Variants in CELF2 observed in about 807,000 individuals in gnomAD.
CELF2 encodes CUGBP Elav-like family member 2, also known as CUG triplet repeat RNA-binding protein 2.
Under a neutral mutation model 62.6 loss-of-function variants are expected in CELF2, and 8 were observed. That is an observed-to-expected ratio of 0.13 (90% CI 0.07 to 0.23). CELF2 has a LOEUF of 0.23. Ranked by LOEUF, CELF2 falls within the 10% of genes least tolerant of loss-of-function variation. CELF2 has a pLI of 1.00. For synonymous variants in CELF2, 258 were observed against 250.0 expected (o/e 1.03, Z -0.30); for missense variants, 333 against 671.0 (o/e 0.50, Z 5.56).
At chr10:11,121,406 G>T (rs897507164) in intron 1 of CELF2, among the ~76,000 whole-genome samples, 1 of 152,116 alleles carries the variant, frequency 6.6e-6, no homozygotes, top group Non-Finnish European at 1.5e-5. Flanking sequence ...CTGTTTTGCA[G>T]TACCCTTTGT....
At chr10:11,115,510 G>A (rs1166508942) in intron 1 of CELF2, among the ~76,000 whole-genome samples, 1 of 152,214 alleles carries the variant, frequency 6.6e-6, no homozygotes, top group Non-Finnish European at 1.5e-5. Context: ...CTGAAGGGCT[G>A]TCAGATATGA....
Position 10,990,818 on chromosome 10 carries a change from G to C in CELF2, c.89+70819G>C, listed in dbSNP as rs2053343213. ...ACTGACATTTTACTAAGTCAACATG[G>C]TTTGGGTATCATTTGGGGTAACCTG... On this transcript the variant is annotated intron_variant, in intron 2 of 13. Transcript: ENST00000636488. The surrounding 1 kb of genome is among the most constrained non-coding windows in gnomAD (Gnocchi z 4.6). Among the ~76,000 whole-genome samples the C allele has an allele frequency of 6.6e-6, 1 of 152,142 alleles. No homozygotes were observed. The highest frequency in any genetic ancestry group is 2.1e-4 in the South Asian group (1 of 4,826).
At chr10:10,746,851 C>G in the CELF2 span, among the ~76,000 whole-genome samples, 1 of 152,190 alleles carries the variant, frequency 6.6e-6, no homozygotes, top group Admixed American at 6.5e-5. Context: ...CAACCTAATA[C>G]CACATCACTG....
At chr10:10,525,174 A>G in the CELF2 span, among the ~76,000 whole-genome samples, 4 of 152,170 alleles carry the variant, frequency 2.6e-5, no homozygotes, top group East Asian at 1.9e-4. Context: ...ATTTTCAAGT[A>G]TATCATACGT....
intron 2 of CELF2, among the ~76,000 whole-genome samples, chr10:11,190,745 T>G (rs1425649793): frequency 7.4e-6 from 1 of 135,420 alleles, no homozygotes; most frequent in East Asian, 2.2e-4. Flanking sequence ...ATTTTGACTC[T>G]CAGTGGCTGG....
intron 1 of CELF2, among the ~76,000 whole-genome samples, chr10:10,914,550 AT>A (rs1377894979): frequency 2.0e-5 from 3 of 152,042 alleles, no homozygotes; most frequent in East Asian, 1.9e-4. Context: ...CTTTTTCGGG[AT>A]TTTTTTCCTT....
the CELF2 span, among the ~76,000 whole-genome samples, chr10:10,728,085 C>A: frequency 6.6e-6 from 1 of 151,174 alleles, no homozygotes; most frequent in African/African-American, 2.4e-5. Flanking sequence ...CTAGAGATGA[C>A]CTTTGAGCTG....
intron 2 of CELF2, among the ~76,000 whole-genome samples, chr10:10,980,483 T>G (rs201097): frequency 2.0e-5 from 3 of 152,190 alleles, no homozygotes; most frequent in Admixed American, 6.5e-5. Flanking sequence ...GCTTTCCACA[T>G]GCTGCTCAGC....
intron 1 of CELF2, among the ~76,000 whole-genome samples, chr10:11,097,050 A>C (rs2050079605): frequency 6.6e-6 from 1 of 152,172 alleles, no homozygotes; most frequent in South Asian, 2.1e-4. Context: ...TGATTCAGAA[A>C]ATGTGGCTGG....
intron 8 of CELF2, among the ~76,000 whole-genome samples, chr10:11,282,044 G>T (rs887352006): frequency 3.9e-5 from 6 of 152,170 alleles, no homozygotes; most frequent in African/African-American, 7.2e-5. Flanking sequence ...GCCACTCCCA[G>T]TGGATATGGG....
chr10:10,530,549 C>A, the CELF2 span, among the ~76,000 whole-genome samples: 1 of 152,122 alleles, frequency 6.6e-6, no homozygotes, highest in Non-Finnish European at 1.5e-5. Context: ...GTAGGCCTCA[C>A]CCAAGATGGA....
rs2062465565 is a variant in CELF2 at position 10,895,342 on chromosome 10, A to C, written c.54-24622A>C. Among the ~76,000 whole-genome samples the C allele has an allele frequency of 2.0e-5, 3 of 152,200 alleles. No homozygotes were observed. In the South Asian group the frequency reaches 6.2e-4, roughly 31 times the overall value. ...AGAAAATGTAGCTTAATTGCATTATAGGGTTTGGTAGAAAGTAGAAATTGT... is the reference window on the plus strand; with the variant it reads ...AGAAAATGTAGCTTAATTGCATTATCGGGTTTGGTAGAAAGTAGAAATTGT... On this transcript the variant is annotated intron_variant, in intron 1 of 13. Coordinates refer to the CELF2 transcript ENST00000636488.
the CELF2 span, among the ~76,000 whole-genome samples, chr10:10,665,295 GA>G: frequency 6.6e-6 from 1 of 152,186 alleles, no homozygotes; most frequent in African/African-American, 2.4e-5. Context: ...TGGAAGTAGT[GA>G]AATTGTCTGC....
chr10:11,070,179 G>A (rs577514962), intron 1 of CELF2, among the ~76,000 whole-genome samples: 3 of 152,198 alleles, frequency 2.0e-5, no homozygotes, highest in African/African-American at 7.2e-5. Context: ...CGTATACAGT[G>A]GGTTTAGCAG....
chr10:11,191,502 T>G lies in CELF2; in HGVS notation c.271+25820T>G, dbSNP rs2076285472. 6.6e-6 allele frequency among the ~76,000 whole-genome samples: 1 copy of G among 152,086 alleles called. No homozygotes were observed. The highest frequency in any genetic ancestry group is 2.4e-5 in the African/African-American group (1 of 41,404). On this transcript the variant is annotated intron_variant, in intron 2 of 12. Coordinates refer to ENST00000633077, the MANE Select transcript of CELF2 (RefSeq NM_001326342.2). The surrounding 1 kb of genome is among the most constrained non-coding windows in gnomAD (Gnocchi z 4.1). ...TGCTGTGGGGCGTCAGCTACCAACC[T>G]TGTGGTCTCGGGAAAGTGACCTATC...
In CELF2 at chr10:11,137,736, C is replaced by G. The variant is rs115613365; in HGVS notation, c.75-27750C>G. ...TCCCTGAAAAGTACGACAAATTCAG[C>G]TCCACAGAGTAACTTACTGTCCTTT... is the stretch of plus-strand genomic sequence containing the variant. On this transcript the variant is annotated intron_variant, in intron 1 of 12. Transcript: ENST00000633077. 4.4e-3 allele frequency among the ~76,000 whole-genome samples: 674 copies of G among 152,348 alleles called. 3 individuals are homozygous for G. The highest frequency in any genetic ancestry group is 0.016 in the African/African-American group (646 of 41,566).
chr10:10,503,517 A>G, the CELF2 span, among the ~76,000 whole-genome samples: 1 of 151,932 alleles, frequency 6.6e-6, no homozygotes, highest in Non-Finnish European at 1.5e-5. Context: ...GAAATCAGAT[A>G]TTAATATAGC....
At chr10:11,035,160 A>G (rs2060751998) in intron 1 of CELF2, among the ~76,000 whole-genome samples, 1 of 152,210 alleles carries the variant, frequency 6.6e-6, no homozygotes, top group African/African-American at 2.4e-5. Flanking sequence ...GGATTAACCC[A>G]AACTTTTCCA....
chr10:10,488,393 G>A, the CELF2 span, among the ~76,000 whole-genome samples: 1 of 152,094 alleles, frequency 6.6e-6, no homozygotes, highest in Non-Finnish European at 1.5e-5. Context: ...CTGCAACAAA[G>A]AAGCTGGAAA....
Sources: gnomAD v4.1 joint callset for allele counts (sites outside exome capture counted in the v4.1 genomes callset) on GRCh38, gnomAD v4.1.1 for gene constraint, Gnocchi (gnomAD v3.1) non-coding constraint, MANE v1.5 for transcripts, NCBI Gene and HGNC (gene_info 2026-07-23, HGNC 2026-07-21) for gene names.